SEMA5A: variants seen among roughly 807,000 people sequenced by gnomAD.
SEMA5A encodes the protein semaphorin 5A.
SEMA5A carries 55 observed loss-of-function variants against 135.5 expected under a neutral mutation model. The observed-to-expected ratio is 0.41, with a 90% CI of 0.33 to 0.51. The LOEUF (loss-of-function observed/expected upper bound fraction) is 0.51, where lower values mean the gene tolerates loss of function less well. Ranked by LOEUF, SEMA5A falls within the 20% of genes least tolerant of loss-of-function variation. SEMA5A has a pLI of 0.37. For synonymous variants in SEMA5A, 580 were observed against 546.5 expected, an observed-to-expected ratio of 1.06 and a Z score of -0.85; for missense variants, 1,290 against 1,419.9, an observed-to-expected ratio of 0.91 and a Z score of 1.47.
chr5:9,345,991 T>C (rs762633929), intron 3 of SEMA5A, among the ~76,000 whole-genome samples: 10 of 152,150 alleles, frequency 6.6e-5, no homozygotes, highest in Non-Finnish European at 1.0e-4. Flanking sequence ...AGAATCACCC[T>C]CAAGCTTAAA....
Position 9,397,385 on chromosome 5 carries a change from T to G in SEMA5A, c.-77-17362A>C, listed in dbSNP as rs143316737. 2.6e-5 allele frequency among the ~76,000 whole-genome samples: 4 copies of G among 152,354 alleles called. No homozygotes were observed. In the East Asian group the frequency reaches 7.7e-4, roughly 29 times the overall value. ...CACTTCCTGGTTGTGTGTTCTGTGC[T>G]TCCATCTTCAAGTGGGGATAATACT... On this transcript the variant is annotated intron_variant, in intron 2 of 22. Coordinates refer to ENST00000382496, the MANE Select transcript of SEMA5A (RefSeq NM_003966.3).
At chr5:9,540,278 G>T (rs910150726) in intron 1 of SEMA5A, among the ~76,000 whole-genome samples, 1 of 152,144 alleles carries the variant, frequency 6.6e-6, no homozygotes, top group Non-Finnish European at 1.5e-5. Flanking sequence ...AAGGCAGTGC[G>T]TGGAGTTCTG....
At chr5:9,459,870 A>C (rs985557650) in intron 1 of SEMA5A, among the ~76,000 whole-genome samples, 1 of 152,252 alleles carries the variant, frequency 6.6e-6, no homozygotes, top group Non-Finnish European at 1.5e-5. Flanking sequence ...TGTATATTTT[A>C]AATGCCTGAT....
At chr5:9,075,935 G>C (rs940564025) in intron 16 of SEMA5A, among the ~76,000 whole-genome samples, 1 of 152,114 alleles carries the variant, frequency 6.6e-6, no homozygotes, top group Non-Finnish European at 1.5e-5. Context: ...GGCCAGGCAT[G>C]GTGGCTCACG....
At chr5:9,388,761 T>A (rs1253364027) in intron 2 of SEMA5A, among the ~76,000 whole-genome samples, 1 of 152,060 alleles carries the variant, frequency 6.6e-6, no homozygotes, top group Non-Finnish European at 1.5e-5. Context: ...TAGCCGGGCA[T>A]GGTAGCGGGC....
intron 21 of SEMA5A, among the ~76,000 whole-genome samples, chr5:9,046,948 G>A (rs918801730): frequency 6.6e-6 from 1 of 152,162 alleles, no homozygotes; most frequent in Non-Finnish European, 1.5e-5. Flanking sequence ...TTCACTTCCA[G>A]CTTAGTTGGT....
chr5:9,202,938 T>A (rs924195642), intron 8 of SEMA5A, among the ~76,000 whole-genome samples: 5 of 152,186 alleles, frequency 3.3e-5, no homozygotes, highest in South Asian at 2.1e-4. Flanking sequence ...CATTGCTTTG[T>A]AGTTTTCTGG....
rs776045306 is a variant in SEMA5A at position 9,405,112 on chromosome 5, G to A, written c.-77-25089C>T. Among the ~76,000 whole-genome samples, 8 of 152,160 alleles carry A rather than the reference G, an allele frequency of 5.3e-5. No homozygotes were observed. The East Asian group carries it at 7.7e-4, about 15-fold the overall frequency. On this transcript the variant is annotated intron_variant, in intron 2 of 22. Transcript: ENST00000382496. Reference sequence around the variant, plus strand: ...AGCCCAAACAGCTAACTCCAGGAACGTTTTCTGAGACCGTGTGCACATCAA... The same window carrying A: ...AGCCCAAACAGCTAACTCCAGGAACATTTTCTGAGACCGTGTGCACATCAA...
chr5:9,386,984 C>T (rs1045078309), intron 2 of SEMA5A, among the ~76,000 whole-genome samples: 6 of 152,128 alleles, frequency 3.9e-5, no homozygotes, highest in South Asian at 4.1e-4. Flanking sequence ...GGAAGGTGAA[C>T]GAGGAAAGAT....
chr5:9,333,014 C>T (rs75243199), intron 4 of SEMA5A, among the ~76,000 whole-genome samples: 2 of 152,252 alleles, frequency 1.3e-5, no homozygotes, highest in East Asian at 3.9e-4. Flanking sequence ...AGACTGTACC[C>T]TTTGATTTAT....
chr5:9,303,085 C>G (rs1173200463), intron 5 of SEMA5A, among the ~76,000 whole-genome samples: 2 of 151,374 alleles, frequency 1.3e-5, no homozygotes, highest in East Asian at 3.9e-4. Context: ...TAAATACACA[C>G]ACACACACAC....
In SEMA5A at chr5:9,262,909, T is replaced by A. The variant is rs1234855315; in HGVS notation, c.271-25019A>T. The stretch of plus-strand genomic sequence containing the variant: ...CTTAGATTATAATAAAAAAAAAAAA[T>A]TAAAAAAAAAAAGAAAATATATTTC... On this transcript the variant is annotated intron_variant, in intron 5 of 22. Coordinates refer to ENST00000382496, the MANE Select transcript of SEMA5A (RefSeq NM_003966.3). Among the ~76,000 whole-genome samples, 934 of 115,280 alleles carry A rather than the reference T, an allele frequency of 8.1e-3. 9 individuals carry two copies. Among genetic ancestry groups the A allele is most frequent in the African/African-American group, 0.027 (820 of 30,100 alleles). The allele number at this position is 115,280 out of a possible 152,430, so 75.6% of individuals were successfully genotyped here. A position where few individuals can be genotyped will look rare whatever the true frequency, so the allele number is the denominator to read the frequency against.
At chr5:9,296,605 T>C (rs1383950257) in intron 5 of SEMA5A, among the ~76,000 whole-genome samples, 20 of 152,192 alleles carry the variant, frequency 1.3e-4, no homozygotes, top group Non-Finnish European at 1.5e-5. Context: ...TTCATACCTT[T>C]ATGCTCAAGC....
chr5:9,433,683 G>T (rs1248302067), intron 2 of SEMA5A, among the ~76,000 whole-genome samples: 1 of 136,972 alleles, frequency 7.3e-6, no homozygotes, highest in African/African-American at 2.7e-5. Context: ...AATTAGCAAA[G>T]AAACACAATG....
chr5:9,161,510 A>T (rs552917345), intron 11 of SEMA5A, among the ~76,000 whole-genome samples: 1 of 152,368 alleles, frequency 6.6e-6, no homozygotes, highest in East Asian at 1.9e-4. Context: ...ATATGTAATC[A>T]ATATAAAATA....
chr5:9,109,968 T>C (rs900684036), intron 15 of SEMA5A, among the ~76,000 whole-genome samples: 2 of 152,132 alleles, frequency 1.3e-5, no homozygotes, highest in African/African-American at 4.8e-5. Flanking sequence ...CAGAAAAATT[T>C]CATGGGGAAT....
rs1209292983 is a variant in SEMA5A at position 9,154,085 on chromosome 5, A to ATG, written c.1481+402_1481+403insCA. On this transcript the variant is annotated intron_variant, in intron 12 of 22. Transcript: ENST00000382496. ...AAAATATATATATATATATATATAT[A>ATG]TATATATATGTGTGTGTGTGTATGT... 6.9e-4 allele frequency among the ~76,000 whole-genome samples: 59 copies of ATG among 85,042 alleles called. 3 individuals are homozygous for ATG. The South Asian group carries it at 0.013, about 19-fold the overall frequency. The allele number at this position is 85,042 out of a possible 152,430, so 55.8% of individuals were successfully genotyped here. A position where few individuals can be genotyped will look rare whatever the true frequency, so the allele number is the denominator to read the frequency against.
In SEMA5A at chr5:9,425,073, CCTA is replaced by C. The variant is rs1757596862; in HGVS notation, c.-78+12680_-78+12682del. The stretch of plus-strand genomic sequence containing the variant: ...AGTTTCATGTCCCGGCTTACAAAGC[CCTA>C]CATATGCTAACCCTTACCCACCTCT... On this transcript the variant is annotated intron_variant, in intron 2 of 22. Coordinates refer to ENST00000382496, the MANE Select transcript of SEMA5A (RefSeq NM_003966.3). 2.0e-5 allele frequency among the ~76,000 whole-genome samples: 3 copies of C among 152,298 alleles called. 1 individual carries two copies. In the South Asian group the frequency reaches 6.2e-4, roughly 32 times the overall value.
At chr5:9,521,405 G>A (rs1233577969) in intron 1 of SEMA5A, among the ~76,000 whole-genome samples, 2 of 152,054 alleles carry the variant, frequency 1.3e-5, no homozygotes, top group African/African-American at 4.8e-5. Flanking sequence ...GTGAGATACT[G>A]TCTTAAAAAA....
Sources: allele counts gnomAD v4.1 joint callset (sites outside exome capture counted in the v4.1 genomes callset), GRCh38; gene constraint gnomAD v4.1.1; transcripts MANE v1.5; gene names NCBI Gene and HGNC (gene_info 2026-07-23, HGNC 2026-07-21).